UVSSA: variants seen among roughly 807,000 people sequenced by gnomAD.
UVSSA encodes the protein UV-stimulated scaffold protein A.
A neutral mutation model predicts 73.9 loss-of-function variants in UVSSA; 72 were observed. That is an observed-to-expected ratio of 0.97 (90% confidence interval 0.81 to 1.19). UVSSA has a LOEUF of 1.19. Among genes scored for constraint, UVSSA ranks in the 50% most tolerant of loss-of-function variants. UVSSA has a pLI of 0.00. For synonymous variants in UVSSA, 454 were observed against 391.3 expected (o/e 1.16, Z -1.89); for missense variants, 1,150 against 965.0 (o/e 1.19, Z -2.54).
chr4:1,347,993 C>A, intron 1 of UVSSA, 97 bp from the exon 2 acceptor site: 1 of 1,037,408 alleles, frequency 9.6e-7, no homozygotes, highest in Non-Finnish European at 1.5e-6. Flanking sequence ...CCTCCCGGAG[C>A]TTTCGGTTTA....
At chr4:1,351,669 G>C (rs537139367) in intron 3 of UVSSA, 46 bp from the exon 4 acceptor site, 3 of 1,599,162 alleles carry the variant, frequency 1.9e-6, no homozygotes, top group East Asian at 2.3e-5. Flanking sequence ...GATTACAGGC[G>C]TGAGCCACCG....
At chr4:1,346,317 C>T (rs1023322126), upstream of UVSSA, among the ~76,000 whole-genome samples, 2 of 152,052 alleles carry the variant, frequency 1.3e-5, no homozygotes, top group African/African-American at 2.4e-5. Flanking sequence ...CTGCACCCAG[C>T]CCCGGGAGCC....
chr4:1,366,319 G>A lies in UVSSA; in HGVS notation c.1177-1G>A, dbSNP rs1338076348. 6.2e-7 allele frequency: 1 copy of A among 1,609,752 alleles called. No individual in the cohort carries two copies. Among genetic ancestry groups the A allele is most frequent in the Admixed American group, 1.7e-5 (1 of 59,398 alleles). On this transcript the variant is annotated splice_acceptor_variant, in intron 7 of 13. Coordinates refer to ENST00000389851, the MANE Select transcript of UVSSA (RefSeq NM_020894.4). LOFTEE classifies it high-confidence loss of function. ...ATTTGTATTGGGGTGTTTTTCCACA[G>A]ACAGAAGCCCTGGGGGATGCGGAGG...
rs747905369 is a variant in UVSSA, at chr4:1,355,240, C to G, written c.1171C>G (p.Arg391Gly). 1 of 1,610,214 alleles carries G rather than the reference C, an allele frequency of 6.2e-7. No homozygotes were observed. Among genetic ancestry groups the G allele is most frequent in the Non-Finnish European group, 8.5e-7 (1 of 1,178,558 alleles). The change falls in exon 7 of 14, where the codon CGC (arginine) becomes GGC (glycine). Residue 391 changes from arginine to glycine, a missense_variant. Arg to Gly is a moderately radical substitution (Grantham distance 125). Coordinates refer to ENST00000389851, the MANE Select transcript of UVSSA (RefSeq NM_020894.4). ...LDIEPEGGER[R>G]RTEALGDAEE... is the part of the protein sequence containing the mutation. ...CATCGAGCCTGAGGGAGGGGAAAGG[C>G]GCAGGGTGAGTGGGCAGGCGGCGAG...
chr4:1,343,657 C>T (rs569292250), upstream of UVSSA, among the ~76,000 whole-genome samples: 31 of 152,190 alleles, frequency 2.0e-4, no homozygotes, highest in Middle Eastern at 6.8e-3. Context: ...CGTGGTGGCA[C>T]GTGCCTGTAA....
At chr4:1,372,137 G>A (rs768736594) in intron 8 of UVSSA, among the ~76,000 whole-genome samples, 76 of 151,930 alleles carry the variant, frequency 5.0e-4, no homozygotes, top group Non-Finnish European at 9.0e-4. Context: ...CTGTCTTTTG[G>A]TCACTGTTTT....
At chr4:1,375,899 C>T (rs112762595) in intron 9 of UVSSA, 135 bp from the exon 10 acceptor site, 26 of 1,362,268 alleles carry the variant, frequency 1.9e-5, no homozygotes, top group East Asian at 1.0e-4. Flanking sequence ...GAGGCCCAGG[C>T]GTCGTGTGGC....
At chr4:1,382,422 C>G (rs1302186762) in intron 12 of UVSSA, among the ~76,000 whole-genome samples, 4 of 152,230 alleles carry the variant, frequency 2.6e-5, no homozygotes, top group African/African-American at 7.2e-5. Flanking sequence ...ATTTTCCTTT[C>G]CCTGGTGCTA....
At chr4:1,364,666 C>T (rs1452761083) in intron 7 of UVSSA, among the ~76,000 whole-genome samples, 2 of 152,132 alleles carry the variant, frequency 1.3e-5, no homozygotes, top group South Asian at 2.1e-4. Context: ...ATCTCTCTCC[C>T]GGGAAGTTTC....
intron 8 of UVSSA, among the ~76,000 whole-genome samples, chr4:1,372,028 A>C (rs982918372): frequency 5.3e-5 from 8 of 152,286 alleles, no homozygotes; most frequent in African/African-American, 1.7e-4. Flanking sequence ...TGTAAGTTAC[A>C]TATCTCTTCT....
rs370388591 is a variant in UVSSA at position 1,354,516 on chromosome 4, T to G, written c.935-219T>G. ...CTGAGACACAGGCAGTGGAGCTGCG[T>G]GTGAGGGGAGGCTTTGGTGTTAAGC... is the stretch of plus-strand genomic sequence containing the variant. On this transcript the variant is annotated intron_variant, in intron 5 of 13. Transcript: ENST00000389851. 1.4e-5 allele frequency: 8 copies of G among 567,140 alleles called. No homozygotes were observed. The African/African-American group carries it at 1.5e-4, about 11-fold the overall frequency. The allele number at this position is 567,140 out of a possible 1,614,324, so 35.1% of individuals were successfully genotyped here. A position where few individuals can be genotyped will look rare whatever the true frequency, so the allele number is the denominator to read the frequency against.
upstream of UVSSA, among the ~76,000 whole-genome samples, chr4:1,344,679 T>C (rs950701518): frequency 5.3e-5 from 8 of 152,242 alleles, no homozygotes; most frequent in Admixed American, 5.2e-4. Flanking sequence ...AGATCCCTAT[T>C]TTCAGGGACT....
intron 11 of UVSSA, chr4:1,380,514 C>T (rs1308492419): frequency 7.7e-6 from 7 of 912,202 alleles, no homozygotes; most frequent in South Asian, 5.2e-5. Context: ...GGTTGCAGCC[C>T]GGGTCTGTGC....
chr4:1,382,664 T>G (rs1170102667), intron 12 of UVSSA, among the ~76,000 whole-genome samples: 2 of 152,224 alleles, frequency 1.3e-5, no homozygotes, highest in African/African-American at 2.4e-5. Flanking sequence ...GATAAACTGT[T>G]TGGACAGTTT....
chr4:1,365,562 G>A (rs1046209926), intron 7 of UVSSA, among the ~76,000 whole-genome samples: 1 of 152,230 alleles, frequency 6.6e-6, no homozygotes, highest in Non-Finnish European at 1.5e-5. Flanking sequence ...GGGCTCTCCA[G>A]ACTCAGTGAG....
chr4:1,353,504 G>C, intron 5 of UVSSA, 91 bp downstream of exon 5: 2 of 1,419,316 alleles, frequency 1.4e-6, no homozygotes, highest in Middle Eastern at 2.6e-4. Flanking sequence ...AGGAGCCTGG[G>C]GATGCAGGGG....
At position 1,353,134 on chromosome 4, in the gene UVSSA, A is replaced by G. The variant is rs745950800; in HGVS notation, c.655A>G (p.Met219Val). ...DPNPETESLG[M>V]ASGMSDALRS... ...GAACCCGGAGACGGAATCCCTTGGCATGGCTTCTGGCATGTCCGATGCCCT... is the reference window on the plus strand; with the variant it reads ...GAACCCGGAGACGGAATCCCTTGGCGTGGCTTCTGGCATGTCCGATGCCCT... Residue 219 changes from methionine to valine, a missense_variant, in exon 5 of 14, where the codon ATG becomes GTG. Coordinates refer to ENST00000389851, the MANE Select transcript of UVSSA (RefSeq NM_020894.4). The G allele has an allele frequency of 8.1e-6, 13 of 1,612,914 alleles. No individual in the cohort carries two copies. Among genetic ancestry groups the G allele is most frequent in the East Asian group, 4.5e-5 (2 of 44,892 alleles).
At chr4:1,342,359 G>T (rs191185424), upstream of UVSSA, among the ~76,000 whole-genome samples, 1 of 152,192 alleles carries the variant, frequency 6.6e-6, no homozygotes, top group Non-Finnish European at 1.5e-5. Flanking sequence ...GACCTGATGC[G>T]CTGATTGTAA....
intron 4 of UVSSA, 142 bp downstream of exon 4, chr4:1,351,977 C>T (rs1056492030): frequency 4.3e-5 from 58 of 1,357,942 alleles, no homozygotes; most frequent in Non-Finnish European, 5.3e-5. Context: ...CAGGTCGGGC[C>T]GGAAGGCGTT....
Sources: gnomAD v4.1 joint callset for allele counts (sites outside exome capture counted in the v4.1 genomes callset) on GRCh38, gnomAD v4.1.1 for gene constraint, MANE v1.5 for transcripts, NCBI Gene and HGNC (gene_info 2026-07-23, HGNC 2026-07-21) for gene names.